Variants in RNF220 observed in about 807,000 individuals in gnomAD.
The protein encoded by RNF220 is ring finger protein 220.
Under a neutral mutation model 67.1 loss-of-function variants are expected in RNF220, and 7 were observed. The ratio of observed to expected loss-of-function variants is 0.10; its 90% CI spans 0.06 to 0.20. The LOEUF (loss-of-function observed/expected upper bound fraction) is 0.20. RNF220 is among the 10% of genes least tolerant of loss of function. The pLI, the probability that RNF220 is intolerant of heterozygous loss-of-function variation, is 1.00. For synonymous variants in RNF220, 270 were observed against 283.2 expected (o/e 0.95, Z 0.47); for missense variants, 565 against 740.3 (o/e 0.76, Z 2.75).
chr1:44,472,199 G>A (rs1187476394), intron 2 of RNF220, among the ~76,000 whole-genome samples: 1 of 152,138 alleles, frequency 6.6e-6, no homozygotes, highest in Non-Finnish European at 1.5e-5. Context: ...GTTTTTGTGT[G>A]GACATATGTT....
intron 2 of RNF220, among the ~76,000 whole-genome samples, chr1:44,613,222 A>G (rs585843): frequency 4.7e-4 from 66 of 141,070 alleles, no homozygotes; most frequent in African/African-American, 1.5e-3. Context: ...GGATGTTTCT[A>G]GATTAATAGG....
chr1:44,553,229 C>T (rs1572862134), intron 2 of RNF220, among the ~76,000 whole-genome samples: 1 of 152,098 alleles, frequency 6.6e-6, no homozygotes, highest in African/African-American at 2.4e-5. Context: ...CTTGTAATTG[C>T]CTCCCTGCTT....
intron 2 of RNF220, among the ~76,000 whole-genome samples, chr1:44,474,324 G>A (rs922381795): frequency 6.6e-6 from 1 of 151,206 alleles, no homozygotes; most frequent in Non-Finnish European, 1.5e-5. Flanking sequence ...GCAGTAAGCC[G>A]AGATCACGCC....
At chr1:44,453,046 T>G (rs1652845707) in intron 2 of RNF220, among the ~76,000 whole-genome samples, 1 of 152,206 alleles carries the variant, frequency 6.6e-6, no homozygotes, top group Admixed American at 6.5e-5. Flanking sequence ...CTTGGACATA[T>G]TGGTGAGTTT....
At chr1:44,546,033 G>A (rs150032646) in intron 2 of RNF220, among the ~76,000 whole-genome samples, 1 of 152,220 alleles carries the variant, frequency 6.6e-6, no homozygotes, top group East Asian at 1.9e-4. Context: ...AGAGAGAAAG[G>A]GGCTAGTTCT....
At chr1:44,614,866 G>C (rs1045438280) in intron 3 of RNF220, among the ~76,000 whole-genome samples, 6 of 152,086 alleles carry the variant, frequency 3.9e-5, no homozygotes, top group African/African-American at 1.4e-4. Context: ...AAAAAGAGTA[G>C]AGGAGAGGTG....
At chr1:44,549,182 C>G (rs561628975) in intron 2 of RNF220, among the ~76,000 whole-genome samples, 1 of 152,268 alleles carries the variant, frequency 6.6e-6, no homozygotes, top group African/African-American at 2.4e-5. Flanking sequence ...GTGAGAGACT[C>G]TGTCTCGGGA....
intron 2 of RNF220, among the ~76,000 whole-genome samples, chr1:44,553,344 G>T (rs1458740924): frequency 6.6e-6 from 1 of 151,512 alleles, no homozygotes; most frequent in African/African-American, 2.4e-5. Context: ...AACATGATAA[G>T]TGCCCTACAA....
chr1:44,456,417 G>A (rs115971326), intron 2 of RNF220, among the ~76,000 whole-genome samples: 60 of 152,218 alleles, frequency 3.9e-4, no homozygotes, highest in Middle Eastern at 3.4e-3. Flanking sequence ...TCAGAGTGCC[G>A]GAAAGCCCAT....
chr1:44,451,745 C>T (rs190671082), intron 2 of RNF220, among the ~76,000 whole-genome samples: 165 of 152,240 alleles, frequency 1.1e-3, no homozygotes, highest in Admixed American at 2.1e-3. Flanking sequence ...CTCAGCCTTC[C>T]GAGTAGCTGG....
rs1201494762 is a variant in RNF220, at chr1:44,412,755, C to A, written c.625+33C>A. 1 of 1,589,682 alleles carries A rather than the reference C, an allele frequency of 6.3e-7. No individual in the cohort carries two copies. The highest frequency in any genetic ancestry group is 1.7e-5 in the Admixed American group (1 of 58,216). The stretch of plus-strand genomic sequence containing the variant: ...CTTTGGTTCCAGCCCTCCCTTACCC[C>A]CAGTAAGCCCTGCCTCACCGTGATG... On this transcript the variant is annotated intron_variant, in intron 2 of 14. Coordinates refer to ENST00000361799, the MANE Select transcript of RNF220 (RefSeq NM_018150.4). The surrounding 1 kb of genome is among the most constrained non-coding windows in gnomAD (Gnocchi z 5.3).
intron 2 of RNF220, among the ~76,000 whole-genome samples, chr1:44,596,964 T>C (rs938989918): frequency 3.9e-5 from 6 of 152,128 alleles, no homozygotes; most frequent in African/African-American, 1.2e-4. Flanking sequence ...TCAGCTGTGA[T>C]TGAGAGAGAA....
chr1:44,459,000 T>A (rs1653481721), intron 2 of RNF220, among the ~76,000 whole-genome samples: 1 of 152,212 alleles, frequency 6.6e-6, no homozygotes, highest in Non-Finnish European at 1.5e-5. Context: ...TCTCCCTTGC[T>A]CCTGTTATAA....
At chr1:44,504,377 G>A (rs1020397927) in intron 2 of RNF220, among the ~76,000 whole-genome samples, 2 of 152,144 alleles carry the variant, frequency 1.3e-5, no homozygotes, top group Admixed American at 6.5e-5. Flanking sequence ...GCTGGGACAC[G>A]GACACTTTTA....
intron 2 of RNF220, among the ~76,000 whole-genome samples, chr1:44,492,535 T>C (rs983110546): frequency 6.6e-6 from 1 of 152,298 alleles, no homozygotes; most frequent in African/African-American, 2.4e-5. Context: ...AGCTGATGAA[T>C]GGATAAACAC....
chr1:44,431,759 C>T (rs932537990), intron 2 of RNF220, among the ~76,000 whole-genome samples: 2 of 152,162 alleles, frequency 1.3e-5, no homozygotes, highest in Admixed American at 6.5e-5. Flanking sequence ...TGGTGGCCAT[C>T]GGCTCTGTTT....
chr1:44,553,478 G>A (rs1662835753), intron 2 of RNF220, among the ~76,000 whole-genome samples: 4 of 152,076 alleles, frequency 2.6e-5, no homozygotes, highest in Admixed American at 2.0e-4. Flanking sequence ...CACTAAAAAC[G>A]AGATGACTTC....
chr1:44,419,611 A>C (rs996620196), intron 2 of RNF220: 10 of 152,220 alleles, frequency 6.6e-5, no homozygotes, highest in African/African-American at 2.4e-4. Context: ...GGCGATTATA[A>C]TCTAGTTTTT....
At chr1:44,456,810 G>T (rs544465156) in intron 2 of RNF220, among the ~76,000 whole-genome samples, 3 of 152,182 alleles carry the variant, frequency 2.0e-5, no homozygotes, top group East Asian at 3.9e-4. Flanking sequence ...GCAGGGTCTA[G>T]CCCTCTCCCT....
Sources: allele counts gnomAD v4.1 joint callset (sites outside exome capture counted in the v4.1 genomes callset), GRCh38; gene constraint gnomAD v4.1.1; non-coding constraint Gnocchi (gnomAD v3.1); transcripts MANE v1.5; gene names NCBI Gene and HGNC (gene_info 2026-07-23, HGNC 2026-07-21).